Variants in SNRPN observed in about 807,000 individuals in gnomAD.
The protein encoded by SNRPN is small nuclear ribonucleoprotein polypeptide N.
In SNRPN, 7 loss-of-function variants were observed where a neutral mutation model predicts 25.2. The observed-to-expected ratio is 0.28, with a 90% confidence interval of 0.16 to 0.52. The LOEUF (loss-of-function observed/expected upper bound fraction) is 0.52, where lower values mean the gene tolerates loss of function less well. Ranked by LOEUF, SNRPN falls within the 20% of genes least tolerant of loss-of-function variation. The pLI, the probability that SNRPN is intolerant of heterozygous loss-of-function variation, is 0.96. For synonymous variants in SNRPN, 124 were observed against 110.6 expected (o/e 1.12, Z -0.76); for missense variants, 196 against 322.5 (o/e 0.61, Z 3.00).
intron 2 of SNRPN, among the ~76,000 whole-genome samples, chr15:24,916,948 C>G (rs2059565704): frequency 6.6e-6 from 1 of 152,202 alleles, no homozygotes; most frequent in Non-Finnish European, 1.5e-5. Context: ...CAGGTTGCCA[C>G]TGGTGGCTGG....
intron 2 of SNRPN, among the ~76,000 whole-genome samples, chr15:24,830,446 C>T (rs770328849): frequency 8.5e-5 from 13 of 152,082 alleles, no homozygotes; most frequent in East Asian, 3.9e-4. Flanking sequence ...TTGTTTTTGC[C>T]GTGTTTCCAA....
chr15:24,861,430 G>T (rs931204409), intron 1 of SNRPN, among the ~76,000 whole-genome samples: 12 of 152,266 alleles, frequency 7.9e-5, no homozygotes, highest in African/African-American at 2.9e-4. Context: ...AAAAAATATT[G>T]TTCAGTTGTA....
At chr15:24,877,307 C>T (rs2056009327) in intron 1 of SNRPN, among the ~76,000 whole-genome samples, 1 of 152,108 alleles carries the variant, frequency 6.6e-6, no homozygotes, top group South Asian at 2.1e-4. Context: ...CTTAAAGTCA[C>T]CTTATTTGTA....
At chr15:24,969,149 G>T (rs1318717858) in intron 3 of SNRPN, among the ~76,000 whole-genome samples, 2 of 151,996 alleles carry the variant, frequency 1.3e-5, no homozygotes, top group Non-Finnish European at 2.9e-5. Context: ...TTTATTTAGA[G>T]ATGAAGTTTC....
chr15:24,894,282 G>A (rs557841884), intron 2 of SNRPN, among the ~76,000 whole-genome samples: 46 of 151,608 alleles, frequency 3.0e-4, no homozygotes, highest in African/African-American at 1.0e-3. Flanking sequence ...GCAGTGGTGT[G>A]ATCTCGGCTC....
intron 1 of SNRPN, among the ~76,000 whole-genome samples, chr15:24,877,789 TTG>T (rs1335316791): frequency 6.6e-6 from 1 of 152,148 alleles, no homozygotes; most frequent in Non-Finnish European, 1.5e-5. Flanking sequence ...GAGGAGGATG[TTG>T]TGGTAAGCCA....
chr15:24,977,123 A>G (rs868582859), intron 7 of SNRPN, 94 bp downstream of exon 7: 131 of 967,460 alleles, frequency 1.4e-4, no homozygotes, highest in African/African-American at 1.8e-4. Context: ...GTGTCATACA[A>G]TGTAAACAGC....
At position 24,872,976 on chromosome 15, in the gene SNRPN, C is replaced by T. The variant is rs1008133531; in HGVS notation, c.-578-13540C>T. On this transcript the variant is annotated intron_variant, in intron 1 of 11. Coordinates refer to the SNRPN transcript ENST00000400097. ...GTCAGGGTTAATCTTTGGACAGTCA[C>T]TTATATTCCATTGACCTATATCACT... Among the ~76,000 whole-genome samples, 13 of 121,136 alleles carry T rather than the reference C, an allele frequency of 1.1e-4. 4 individuals are homozygous for T. The Admixed American group carries it at 1.1e-3, about 10-fold the overall frequency. 79.5% of individuals were successfully genotyped at this position (121,136 alleles called of 152,430 possible).
intron 2 of SNRPN, chr15:24,909,446 G>T (rs1394014169): frequency 1.3e-6 from 2 of 1,588,868 alleles, no homozygotes; most frequent in Non-Finnish European, 1.7e-6. Context: ...TTCATCGCCA[G>T]TCACCTCCAC....
At chr15:24,842,983 C>T (rs371867110) in intron 2 of SNRPN, among the ~76,000 whole-genome samples, 9 of 152,230 alleles carry the variant, frequency 5.9e-5, no homozygotes, top group Middle Eastern at 3.4e-3. Flanking sequence ...GTAACACTTT[C>T]GAGATATGTC....
At chr15:24,937,705 T>C (rs1362987291) in intron 3 of SNRPN, among the ~76,000 whole-genome samples, 7 of 152,206 alleles carry the variant, frequency 4.6e-5, no homozygotes, top group Non-Finnish European at 1.5e-5. Context: ...ATCACCACTG[T>C]CTAGCTCTAG....
chr15:24,829,439 A>T (rs12901127), intron 1 of SNRPN, among the ~76,000 whole-genome samples: 3 of 151,914 alleles, frequency 2.0e-5, no homozygotes, highest in Admixed American at 6.5e-5. Context: ...GGGCATGAGA[A>T]GAGGGTGGTG....
rs781249500 is a variant in SNRPN, at chr15:24,908,784, T to C, written c.-504-11227T>C. The C allele has an allele frequency of 9.0e-6, 4 of 443,956 alleles. No homozygotes were observed. In the Admixed American group the frequency reaches 1.2e-4, roughly 13 times the overall value. 27.5% of individuals were successfully genotyped at this position (443,956 alleles called of 1,614,324 possible). A position where few individuals can be genotyped will look rare whatever the true frequency, so the allele number is the denominator to read the frequency against. ...GCAGGAGTGTTTCCTTCAATCTATA[T>C]CTAAACTTTAACTAGGACCTAGGGT... On this transcript the variant is annotated intron_variant, in intron 2 of 11. Transcript: ENST00000400097.
At chr15:24,895,076 C>T (rs973584350) in intron 2 of SNRPN, among the ~76,000 whole-genome samples, 2 of 152,142 alleles carry the variant, frequency 1.3e-5, no homozygotes, top group Admixed American at 1.3e-4. Flanking sequence ...AAGGTGTCAG[C>T]TAAGTGTAAT....
intron 1 of SNRPN, among the ~76,000 whole-genome samples, chr15:24,881,584 G>GGAGAGAGAGA (rs1157961647): frequency 2.6e-4 from 15 of 57,678 alleles, no homozygotes; most frequent in East Asian, 1.5e-3. Context: ...AGGGAGGGAG[G>GGAGAGAGAGA]GAGAGAGAGA....
rs559491105 is a variant in SNRPN, at chr15:24,972,139, C to T, written c.-143-2172C>T. 5.0e-3 allele frequency among the ~76,000 whole-genome samples: 766 copies of T among 151,812 alleles called. 5 individuals are homozygous for T. The highest frequency in any genetic ancestry group is 0.017 in the African/African-American group (724 of 41,398). ...GGTGTGGTGGCGGGCGCCTGTAATC[C>T]TAGCTACTCAGGAGGCTGAGGCAGG... On this transcript the variant is annotated intron_variant, in intron 3 of 9. Transcript: ENST00000390687.
At chr15:24,884,170 A>C (rs933402600) in intron 1 of SNRPN, among the ~76,000 whole-genome samples, 1 of 148,122 alleles carries the variant, frequency 6.8e-6, no homozygotes, top group South Asian at 2.2e-4. Context: ...AAAAAGATCT[A>C]TATACACACA....
intron 1 of SNRPN, among the ~76,000 whole-genome samples, chr15:24,860,162 G>C (rs1291224313): frequency 6.6e-6 from 1 of 152,112 alleles, no homozygotes; most frequent in Non-Finnish European, 1.5e-5. Flanking sequence ...GCAATCAGGG[G>C]CTCTGGATTT....
chr15:24,873,270 A>G (rs2055388372), intron 1 of SNRPN, among the ~76,000 whole-genome samples: 1 of 119,810 alleles, frequency 8.3e-6, no homozygotes, highest in African/African-American at 2.9e-5. Flanking sequence ...AAGCCATGGG[A>G]CTACATACCA....
Sources: gnomAD v4.1 joint callset for allele counts (sites outside exome capture counted in the v4.1 genomes callset) on GRCh38, gnomAD v4.1.1 for gene constraint, MANE v1.5 for transcripts, NCBI Gene and HGNC (gene_info 2026-07-23, HGNC 2026-07-21) for gene names.